PRKCE: variants seen among roughly 807,000 people sequenced by gnomAD.
PRKCE encodes protein kinase C epsilon type.
PRKCE carries 16 observed loss-of-function variants against 85.4 expected under a neutral mutation model. That is an observed-to-expected ratio of 0.19 (90% CI 0.13 to 0.28). The LOEUF (loss-of-function observed/expected upper bound fraction) is 0.28. Ranked by LOEUF, PRKCE falls within the 10% of genes least tolerant of loss-of-function variation. The pLI, the probability that PRKCE is intolerant of heterozygous loss-of-function variation, is 1.00. For synonymous variants in PRKCE, 388 were observed against 371.5 expected (o/e 1.04, Z -0.51); for missense variants, 573 against 975.2 (o/e 0.59, Z 5.49).
rs1239990237 is a variant in PRKCE at position 46,001,960 on chromosome 2, A to T, written c.966+414A>T. ...TAAATGGGTGAAGAACTGGAACCAC[A>T]TTCTTTTCTAGGGAGGAAGCCAAGA... On this transcript the variant is annotated intron_variant, in intron 7 of 14. Coordinates refer to ENST00000306156, the MANE Select transcript of PRKCE (RefSeq NM_005400.3). The surrounding 1 kb of genome is among the most constrained non-coding windows in gnomAD (Gnocchi z 4.4). 2.6e-5 allele frequency among the ~76,000 whole-genome samples: 4 copies of T among 152,194 alleles called. No homozygotes were observed. The highest frequency in any genetic ancestry group is 9.6e-5 in the African/African-American group (4 of 41,456).
chr2:45,834,770 T>A (rs1690717974), intron 1 of PRKCE, among the ~76,000 whole-genome samples: 1 of 152,258 alleles, frequency 6.6e-6, no homozygotes, highest in Non-Finnish European at 1.5e-5. Flanking sequence ...AGGACTCGCA[T>A]GGTGATCTAC....
intron 11 of PRKCE, among the ~76,000 whole-genome samples, chr2:46,131,112 C>T (rs1052109277): frequency 6.6e-6 from 1 of 152,188 alleles, no homozygotes; most frequent in African/African-American, 2.4e-5. Context: ...AGGGATTGAA[C>T]AGCACTCTGA....
At position 46,004,348 on chromosome 2, in the gene PRKCE, T is replaced by A. The variant is rs753437145; in HGVS notation, c.967-194T>A. ...GAAATTCCTTTTGTGGTTCTTGCTCTGGTCAGACGTCACAGAGGGATCGAA... is the reference window on the plus strand; with the variant it reads ...GAAATTCCTTTTGTGGTTCTTGCTCAGGTCAGACGTCACAGAGGGATCGAA... On this transcript the variant is annotated intron_variant, in intron 7 of 14. Coordinates refer to ENST00000306156, the MANE Select transcript of PRKCE (RefSeq NM_005400.3). This position sits in a 1 kb window ranked among gnomAD's most constrained non-coding sequence, Gnocchi z 4.1. 4.9e-5 allele frequency: 26 copies of A among 532,008 alleles called. No homozygotes were observed. The highest frequency in any genetic ancestry group is 8.6e-5 in the Non-Finnish European group (25 of 291,194). The allele number at this position is 532,008 out of a possible 1,614,324, so 33.0% of individuals were successfully genotyped here.
intron 11 of PRKCE, among the ~76,000 whole-genome samples, chr2:46,143,955 C>T (rs761422161): frequency 2.0e-5 from 3 of 152,204 alleles, no homozygotes; most frequent in Non-Finnish European, 4.4e-5. Flanking sequence ...GCAGACCCCT[C>T]CTGCTTTCTG....
At chr2:46,183,174 A>T (rs11693321) in intron 14 of PRKCE, among the ~76,000 whole-genome samples, 1 of 152,126 alleles carries the variant, frequency 6.6e-6, no homozygotes, top group Non-Finnish European at 1.5e-5. Context: ...TAAACTATTT[A>T]GGAAAACAAA....
At chr2:45,936,535 G>T (rs946840581) in intron 2 of PRKCE, among the ~76,000 whole-genome samples, 1 of 152,100 alleles carries the variant, frequency 6.6e-6, no homozygotes, top group African/African-American at 2.4e-5. Flanking sequence ...CCAGCGGGAG[G>T]CCCGACATCC....
intron 1 of PRKCE, among the ~76,000 whole-genome samples, chr2:45,819,416 A>C (rs1689342218): frequency 6.6e-6 from 1 of 152,090 alleles, no homozygotes; most frequent in Admixed American, 6.6e-5. Flanking sequence ...GGAGAACACC[A>C]CGTTTATGAG....
At position 45,896,578 on chromosome 2, in the gene PRKCE, G is replaced by A. The variant is rs563222872; in HGVS notation, c.412+53515G>A. Among the ~76,000 whole-genome samples the A allele has an allele frequency of 9.8e-5, 15 of 152,298 alleles. No homozygotes were observed. In the South Asian group the frequency reaches 3.1e-3, roughly 32 times the overall value. ...CAAGAAACAGGTTTTTCTGGGAAAT[G>A]TGCGTAAATACTTACAAGACAAAAG... On this transcript the variant is annotated intron_variant, in intron 2 of 14. Coordinates refer to ENST00000306156, the MANE Select transcript of PRKCE (RefSeq NM_005400.3).
chr2:45,968,286 C>G, intron 2 of PRKCE, among the ~76,000 whole-genome samples: 1 of 151,908 alleles, frequency 6.6e-6, no homozygotes, highest in Non-Finnish European at 1.5e-5. Context: ...TACTACTCCG[C>G]CATAATAAAG....
intron 1 of PRKCE, among the ~76,000 whole-genome samples, chr2:45,660,977 G>A (rs1456843710): frequency 6.6e-6 from 1 of 152,146 alleles, no homozygotes; most frequent in Non-Finnish European, 1.5e-5. Flanking sequence ...TGGGGAAGAG[G>A]AGGAAAAACA....
chr2:46,018,427 G>A (rs544999752), intron 10 of PRKCE, among the ~76,000 whole-genome samples: 73 of 152,094 alleles, frequency 4.8e-4, no homozygotes, highest in Admixed American at 1.4e-3. Flanking sequence ...CCGAGATCCC[G>A]CCACTGCCCT....
At chr2:45,656,732 T>C (rs1286082854) in intron 1 of PRKCE, among the ~76,000 whole-genome samples, 1 of 152,248 alleles carries the variant, frequency 6.6e-6, no homozygotes, top group Non-Finnish European at 1.5e-5. Context: ...GCTGGGAATC[T>C]ACATTTTTAA....
chr2:45,691,042 C>T (rs939172116), intron 1 of PRKCE, among the ~76,000 whole-genome samples: 1 of 152,226 alleles, frequency 6.6e-6, no homozygotes, highest in Non-Finnish European at 1.5e-5. Flanking sequence ...GGATTTCTTT[C>T]TCTTATGGCT....
chr2:46,116,521 C>G (rs1439745182), intron 11 of PRKCE, among the ~76,000 whole-genome samples: 1 of 152,190 alleles, frequency 6.6e-6, no homozygotes, highest in Non-Finnish European at 1.5e-5. Flanking sequence ...ATGAGGAAAT[C>G]AGAAGGCTGG....
chr2:46,170,879 G>C (rs570732405), intron 14 of PRKCE, among the ~76,000 whole-genome samples: 1 of 152,230 alleles, frequency 6.6e-6, no homozygotes, highest in Non-Finnish European at 1.5e-5. Flanking sequence ...AAGTGGGGGA[G>C]AGATTGGTAA....
intron 11 of PRKCE, among the ~76,000 whole-genome samples, chr2:46,102,829 G>A (rs1403166591): frequency 6.6e-6 from 1 of 152,092 alleles, no homozygotes; most frequent in African/African-American, 2.4e-5. Context: ...TCACATCAAA[G>A]GTCCATACTA....
intron 10 of PRKCE, among the ~76,000 whole-genome samples, chr2:46,061,053 C>T (rs993073871): frequency 3.3e-5 from 5 of 150,564 alleles, no homozygotes; most frequent in East Asian, 2.0e-4. Flanking sequence ...TGAGCAACTG[C>T]GTCCGGCCAG....
chr2:46,047,390 A>G (rs983705301), intron 10 of PRKCE, among the ~76,000 whole-genome samples: 2 of 152,218 alleles, frequency 1.3e-5, no homozygotes, highest in African/African-American at 2.4e-5. Context: ...TACAGCAATG[A>G]AGACAGGTGG....
chr2:45,982,948 C>T (rs1056883179), intron 5 of PRKCE, among the ~76,000 whole-genome samples: 1 of 152,196 alleles, frequency 6.6e-6, no homozygotes. Flanking sequence ...TCCACCATGC[C>T]TTCAGGGTAT....
Sources: allele counts gnomAD v4.1 joint callset (sites outside exome capture counted in the v4.1 genomes callset), GRCh38; gene constraint gnomAD v4.1.1; non-coding constraint Gnocchi (gnomAD v3.1); transcripts MANE v1.5; gene names NCBI Gene and HGNC (gene_info 2026-07-23, HGNC 2026-07-21).